PACRG: variants seen among roughly 807,000 people sequenced by gnomAD.
The protein encoded by PACRG is parkin coregulated.
In PACRG, 29 loss-of-function variants were observed where a neutral mutation model predicts 29.7. The observed-to-expected ratio is 0.98, with a 90% CI of 0.73 to 1.33. The LOEUF is 1.33. PACRG is among the 40% of genes most tolerant of loss of function. The probability of loss-of-function intolerance (pLI) is 0.00; values close to 1 mark genes in which losing one functional copy is unlikely to be tolerated. For missense variants in PACRG, 279 were observed against 316.2 expected, an observed-to-expected ratio of 0.88 and a Z score of 0.89; for synonymous variants, 116 against 118.7, an observed-to-expected ratio of 0.98 and a Z score of 0.15.
intron 2 of PACRG, among the ~76,000 whole-genome samples, chr6:162,863,338 T>G (rs901661613): frequency 3.3e-5 from 5 of 152,254 alleles, no homozygotes; most frequent in Non-Finnish European, 5.9e-5. Context: ...GCGCAGTGAT[T>G]GATGTATAAC....
chr6:163,172,743 C>T (rs971508954), intron 4 of PACRG, among the ~76,000 whole-genome samples: 1 of 152,146 alleles, frequency 6.6e-6, no homozygotes, highest in Admixed American at 6.5e-5. Flanking sequence ...GCCTCAATTA[C>T]GAATCTCTAA....
intron 2 of PACRG, among the ~76,000 whole-genome samples, chr6:162,880,548 C>A (rs2128012696): frequency 6.6e-6 from 1 of 152,250 alleles, no homozygotes; most frequent in South Asian, 2.1e-4. Flanking sequence ...AGTCAAGGTT[C>A]TGTGTATTTG....
chr6:162,950,654 C>T (rs1013736327), intron 2 of PACRG, among the ~76,000 whole-genome samples: 2 of 152,048 alleles, frequency 1.3e-5, no homozygotes, highest in Non-Finnish European at 2.9e-5. Flanking sequence ...GTATTTAAAG[C>T]ATATTAATCC....
At chr6:163,248,862 A>G (rs553870881) in intron 4 of PACRG, among the ~76,000 whole-genome samples, 3 of 152,008 alleles carry the variant, frequency 2.0e-5, no homozygotes, top group Non-Finnish European at 4.4e-5. Context: ...AAAAAAATAC[A>G]AACAATTAGC....
At chr6:162,797,059 C>A (rs1001365108) in intron 1 of PACRG, among the ~76,000 whole-genome samples, 5 of 152,200 alleles carry the variant, frequency 3.3e-5, no homozygotes, top group Non-Finnish European at 7.3e-5. Flanking sequence ...GGCAGATCAA[C>A]TGAGGTCAGG....
In PACRG at chr6:163,187,340, C is replaced by A. The variant is rs552248045; in HGVS notation, c.613+97932C>A. Among the ~76,000 whole-genome samples the A allele has an allele frequency of 2.0e-5, 3 of 152,262 alleles. No homozygotes were observed. The South Asian group carries it at 6.2e-4, about 32-fold the overall frequency. ...CACCCTACCCACGCCAGTCAGTGCA[C>A]CCAGGCCTGTGCAAGTGGCCTGTGA... On this transcript the variant is annotated intron_variant, in intron 4 of 4. Coordinates refer to ENST00000366888, the MANE Select transcript of PACRG (RefSeq NM_001080379.2).
chr6:163,108,807 G>A (rs1433580823), intron 4 of PACRG, among the ~76,000 whole-genome samples: 1 of 152,202 alleles, frequency 6.6e-6, no homozygotes, highest in Non-Finnish European at 1.5e-5. Flanking sequence ...TACAGGAAAT[G>A]TAGATCTCTT....
At chr6:163,163,740 A>G (rs1778668880) in intron 4 of PACRG, among the ~76,000 whole-genome samples, 1 of 152,226 alleles carries the variant, frequency 6.6e-6, no homozygotes, top group Admixed American at 6.5e-5. Context: ...CATATTAAAT[A>G]TTGAGATTAT....
At chr6:162,999,412 A>C (rs970874109) in intron 2 of PACRG, among the ~76,000 whole-genome samples, 1 of 152,164 alleles carries the variant, frequency 6.6e-6, no homozygotes, top group African/African-American at 2.4e-5. Flanking sequence ...CTGGCCTGTG[A>C]GTTTTAGGTA....
intron 4 of PACRG, among the ~76,000 whole-genome samples, chr6:163,207,495 C>G (rs1780955418): frequency 6.6e-6 from 1 of 152,174 alleles, no homozygotes; most frequent in Non-Finnish European, 1.5e-5. Flanking sequence ...CATTACACAT[C>G]AGACATTTCC....
At chr6:162,899,639 G>A (rs1485798271) in intron 2 of PACRG, among the ~76,000 whole-genome samples, 1 of 152,110 alleles carries the variant, frequency 6.6e-6, no homozygotes, top group Non-Finnish European at 1.5e-5. Flanking sequence ...GCCAGGGTGA[G>A]GCTGAGAGCT....
intron 2 of PACRG, among the ~76,000 whole-genome samples, chr6:162,932,041 A>G (rs1797888298): frequency 6.6e-6 from 1 of 152,056 alleles, no homozygotes; most frequent in Non-Finnish European, 1.5e-5. Context: ...TAAGCAAATG[A>G]TGATGTACGC....
Position 162,977,909 on chromosome 6 carries a change from C to T in PACRG, c.292-84241C>T, listed in dbSNP as rs528681214. 3.9e-5 allele frequency among the ~76,000 whole-genome samples: 6 copies of T among 152,070 alleles called. No individual in the cohort carries two copies. In the South Asian group the frequency reaches 6.2e-4, roughly 16 times the overall value. On this transcript the variant is annotated intron_variant, in intron 2 of 4. Transcript: ENST00000366888. ...CTGTAATCCCAGCACTTTGGGAGGC[C>T]GAGGGAGGCAGATCATCTAAGGTCA...
intron 4 of PACRG, among the ~76,000 whole-genome samples, chr6:163,148,123 C>T (rs1777878004): frequency 6.6e-6 from 1 of 152,076 alleles, no homozygotes; most frequent in South Asian, 2.1e-4. Context: ...GTCACAGATG[C>T]TTATAGTGTG....
intron 4 of PACRG, among the ~76,000 whole-genome samples, chr6:163,117,255 G>A (rs1816047451): frequency 6.6e-6 from 1 of 152,202 alleles, no homozygotes. Context: ...CCTTCTTGGT[G>A]CCAGCAACAA....
chr6:162,822,047 C>T (rs551810885), intron 2 of PACRG, among the ~76,000 whole-genome samples: 2 of 152,024 alleles, frequency 1.3e-5, no homozygotes, highest in Admixed American at 6.5e-5. Context: ...TTTATTTTGT[C>T]GAAACTGTGT....
chr6:163,230,377 T>C (rs1411404492), intron 4 of PACRG, among the ~76,000 whole-genome samples: 4 of 152,228 alleles, frequency 2.6e-5, no homozygotes, highest in African/African-American at 9.6e-5. Context: ...TAGAATTTTT[T>C]AGTGTAATAA....
At chr6:162,907,850 C>CT (rs779148879) in intron 2 of PACRG, among the ~76,000 whole-genome samples, 1 of 152,086 alleles carries the variant, frequency 6.6e-6, no homozygotes. Flanking sequence ...TTCCCTCTAT[C>CT]TTTCAGAATT....
intron 2 of PACRG, among the ~76,000 whole-genome samples, chr6:162,834,047 C>T (rs1789008932): frequency 6.6e-6 from 1 of 152,080 alleles, no homozygotes; most frequent in Admixed American, 6.6e-5. Context: ...CTAACCACCG[C>T]TTTACTTTCT....
Sources: allele counts gnomAD v4.1 joint callset (sites outside exome capture counted in the v4.1 genomes callset), GRCh38; gene constraint gnomAD v4.1.1; transcripts MANE v1.5; gene names NCBI Gene and HGNC (gene_info 2026-07-23, HGNC 2026-07-21).